The following ORC5 variants were observed in gnomAD, a reference collection of about 807,000 sequenced individuals.
The protein encoded by ORC5 is origin recognition complex subunit 5.
ORC5 carries 39 observed loss-of-function variants against 58.8 expected under a neutral mutation model. The ratio of observed to expected loss-of-function variants is 0.66; its 90% CI spans 0.51 to 0.87. The LOEUF is 0.87. Ranked by LOEUF, ORC5 falls within the 40% of genes least tolerant of loss-of-function variation. ORC5 has a pLI of 0.00. For missense variants in ORC5, 493 were observed against 506.3 expected (o/e 0.97, Z 0.25); for synonymous variants, 218 against 177.6 (o/e 1.23, Z -1.81).
At chr7:104,204,635 C>T (rs1345377649) in intron 1 of ORC5, among the ~76,000 whole-genome samples, 1 of 152,100 alleles carries the variant, frequency 6.6e-6, no homozygotes, top group Admixed American at 6.6e-5. Context: ...CTTCACTATA[C>T]ATTTTAATGC....
intron 4 of ORC5, 119 bp downstream of exon 4, chr7:104,197,606 G>A: frequency 1.6e-6 from 1 of 610,250 alleles, no homozygotes. Flanking sequence ...TAAAAGAAAT[G>A]CAAACTAAAA....
intron 12 of ORC5, among the ~76,000 whole-genome samples, chr7:104,141,142 A>G (rs1780155436): frequency 2.0e-5 from 3 of 152,204 alleles, no homozygotes; most frequent in Admixed American, 6.5e-5. Context: ...GCCTGAAAAG[A>G]GTGTGTGCTA....
At chr7:104,147,654 AT>A (rs1199868552) in intron 12 of ORC5, among the ~76,000 whole-genome samples, 1 of 152,206 alleles carries the variant, frequency 6.6e-6, no homozygotes, top group African/African-American at 2.4e-5. Flanking sequence ...GTTTCCAAAT[AT>A]TTAATCCAAA....
At chr7:104,168,292 C>T (rs968591315) in intron 9 of ORC5, 181 bp downstream of exon 9, 1 of 1,167,916 alleles carries the variant, frequency 8.6e-7, no homozygotes. Context: ...TTATTTCCTC[C>T]CATTAAATTA....
chr7:104,201,569 G>A (rs995480566), intron 2 of ORC5, among the ~76,000 whole-genome samples: 7 of 150,550 alleles, frequency 4.6e-5, no homozygotes, highest in African/African-American at 1.5e-4. Flanking sequence ...GTAATCCCAA[G>A]GCTTTGGGTC....
In ORC5 at chr7:104,207,963, C is replaced by G. The variant is rs892112729; in HGVS notation, c.-59G>C. On this transcript the variant is annotated 5_prime_UTR_variant, in exon 1 of 14. Coordinates refer to ENST00000297431, the MANE Select transcript of ORC5 (RefSeq NM_002553.4). The stretch of plus-strand genomic sequence containing the variant: ...CAGCCCACAGGACCCTTGCACAAGA[C>G]GGAGCCTCTCCCGAGTCTGGCGGCC... The G allele has an allele frequency of 1.2e-5, 18 of 1,521,098 alleles. No homozygotes were observed. Among genetic ancestry groups the G allele is most frequent in the African/African-American group, 6.9e-5 (5 of 72,882 alleles). The allele number at this position is 1,521,098 out of a possible 1,614,324, so 94.2% of individuals were successfully genotyped here.
chr7:104,205,089 T>TTTTTTTG (rs1420467947), intron 1 of ORC5, among the ~76,000 whole-genome samples: 1 of 124,678 alleles, frequency 8.0e-6, no homozygotes, highest in African/African-American at 2.9e-5. Context: ...TAATACTCTT[T>TTTTTTTG]TTTTTTTTTT....
At chr7:104,182,447 C>A (rs552205950) in intron 8 of ORC5, among the ~76,000 whole-genome samples, 20 of 152,174 alleles carry the variant, frequency 1.3e-4, no homozygotes, top group African/African-American at 4.8e-4. Context: ...GTTGACAGAA[C>A]CTGACCTAAA....
At chr7:104,196,170 G>A (rs1799796699) in intron 4 of ORC5, among the ~76,000 whole-genome samples, 1 of 152,148 alleles carries the variant, frequency 6.6e-6, no homozygotes, top group Non-Finnish European at 1.5e-5. Context: ...TAATTGTTGT[G>A]AAGGGATGCA....
At chr7:104,182,337 A>G (rs1799451526) in intron 8 of ORC5, among the ~76,000 whole-genome samples, 1 of 152,206 alleles carries the variant, frequency 6.6e-6, no homozygotes, top group Non-Finnish European at 1.5e-5. Flanking sequence ...ACAAGACTCC[A>G]CATCATAATG....
intron 2 of ORC5, 105 bp from the exon 3 acceptor site, chr7:104,201,063 CA>C: frequency 1.2e-6 from 1 of 868,276 alleles, no homozygotes; most frequent in Non-Finnish European, 1.8e-6. Flanking sequence ...TATATCCCAC[CA>C]AACCCACCCC....
rs566705481 is a variant in ORC5, at chr7:104,165,657, G to A, written c.991-375C>T. 39 of 179,586 alleles carry A rather than the reference G, an allele frequency of 2.2e-4. 1 individual carries two copies. In the South Asian group the frequency reaches 4.9e-3, roughly 23 times the overall value. The allele number at this position is 179,586 out of a possible 1,614,324, so 11.1% of individuals were successfully genotyped here. On this transcript the variant is annotated intron_variant, in intron 10 of 13. Transcript: ENST00000297431. ...GGCAATCCACATAATAAACGCTGAC[G>A]GAGGGCATTTTAGTTAAGCACAGTT... is the stretch of plus-strand genomic sequence containing the variant.
In ORC5 at chr7:104,158,613, C is replaced by T. The variant is rs992885728; in HGVS notation, c.1149+2459G>A. 6.6e-5 allele frequency among the ~76,000 whole-genome samples: 10 copies of T among 152,116 alleles called. No homozygotes were observed. The South Asian group carries it at 1.9e-3, about 28-fold the overall frequency. On this transcript the variant is annotated intron_variant, in intron 12 of 13. Transcript: ENST00000297431. Reference sequence around the variant, plus strand: ...GCTAATATCCAGAATCTACAATGAACTCAAACAAATTTACAAAAAAATAAA... The same window carrying T: ...GCTAATATCCAGAATCTACAATGAATTCAAACAAATTTACAAAAAAATAAA...
intron 8 of ORC5, among the ~76,000 whole-genome samples, chr7:104,181,560 C>A (rs1799430424): frequency 2.6e-5 from 4 of 151,762 alleles, no homozygotes; most frequent in Admixed American, 2.0e-4. Context: ...CCAAGGCAGG[C>A]AGATCACGAG....
chr7:104,188,067 T>C (rs1186887172), intron 6 of ORC5, 184 bp downstream of exon 6: 21 of 978,074 alleles, frequency 2.1e-5, no homozygotes, highest in Non-Finnish European at 2.8e-5. Flanking sequence ...CACAGACATC[T>C]ACCTTCTTAT....
At chr7:104,140,617 T>C (rs194855) in intron 12 of ORC5, among the ~76,000 whole-genome samples, 55,124 of 151,956 alleles carry the variant, frequency 0.36, 11,185 homozygotes, top group East Asian at 0.56. Context: ...GAAGGGTGCA[T>C]GGGAACCTGG....
chr7:104,150,022 G>A (rs554325509), intron 12 of ORC5, among the ~76,000 whole-genome samples: 88 of 152,106 alleles, frequency 5.8e-4, no homozygotes, highest in Admixed American at 2.6e-3. Flanking sequence ...TATTTATGTT[G>A]TAACAATAGG....
At chr7:104,139,222 A>C (rs1227330186) in intron 12 of ORC5, among the ~76,000 whole-genome samples, 19 of 152,254 alleles carry the variant, frequency 1.2e-4, no homozygotes, top group Admixed American at 1.2e-3. Context: ...ACAAATGCTA[A>C]GTAAACATCC....
At chr7:104,173,034 A>C (rs1799243526) in intron 8 of ORC5, among the ~76,000 whole-genome samples, 1 of 151,830 alleles carries the variant, frequency 6.6e-6, no homozygotes, top group Non-Finnish European at 1.5e-5. Context: ...ATGGAGTCAC[A>C]TGTGCTAAAA....
Sources: gnomAD v4.1 joint callset for allele counts (sites outside exome capture counted in the v4.1 genomes callset) on GRCh38, gnomAD v4.1.1 for gene constraint, MANE v1.5 for transcripts, NCBI Gene and HGNC (gene_info 2026-07-23, HGNC 2026-07-21) for gene names.